CEP57: variants seen among roughly 807,000 people sequenced by gnomAD.
The protein encoded by CEP57 is centrosomal protein of 57 kDa.
In CEP57, 40 loss-of-function variants were observed where a neutral mutation model predicts 68.0. That is an observed-to-expected ratio of 0.59 (90% CI 0.46 to 0.77). The LOEUF (loss-of-function observed/expected upper bound fraction) is 0.77, where lower values mean the gene tolerates loss of function less well. CEP57 is among the 30% of genes least tolerant of loss of function. The probability of loss-of-function intolerance (pLI) is 0.00; values close to 1 mark genes in which losing one functional copy is unlikely to be tolerated. For missense variants in CEP57, 606 were observed against 580.7 expected, an observed-to-expected ratio of 1.04 and a Z score of -0.45; for synonymous variants, 219 against 198.7, an observed-to-expected ratio of 1.10 and a Z score of -0.86.
upstream of CEP57, chr11:95,790,433 CCTA>C: frequency 1.8e-6 from 1 of 568,740 alleles, no homozygotes; most frequent in Admixed American, 3.0e-5. Context: ...CGGATTCTCT[CCTA>C]CTACAGAAAG....
At position 95,821,892 on chromosome 11, in the gene CEP57, A is replaced by T; in HGVS notation, c.721A>T (p.Asn241Tyr). 1 of 1,611,966 alleles carries T rather than the reference A, an allele frequency of 6.2e-7. No homozygotes were observed. Among genetic ancestry groups the T allele is most frequent in the South Asian group, 1.1e-5 (1 of 90,992 alleles). ...CTAGTTGCAGACTGGTCTAGAAACA[A>T]ATAGACTTATCTTTGAAGATAAGGC... ...AAELQTGLET[N>Y]RLIFEDKATP... Residue 241 changes from asparagine to tyrosine, a missense_variant, in exon 7 of 11, where the codon AAT becomes TAT. Transcript: ENST00000325542.
At chr11:95,817,749 T>C in intron 4 of CEP57, 38 bp from the exon 5 acceptor site, 1 of 1,375,368 alleles carries the variant, frequency 7.3e-7, no homozygotes, top group Non-Finnish European at 1.0e-6. Context: ...CTTTTTTGAT[T>C]GTCAAATTAT....
chr11:95,812,796 T>A (rs1450189053), intron 2 of CEP57, 136 bp from the exon 3 acceptor site: 2 of 814,198 alleles, frequency 2.5e-6, no homozygotes, highest in Non-Finnish European at 4.2e-6. Context: ...ATTAACATTT[T>A]ATTGTTCCCA....
At chr11:95,830,836 T>C (rs1254461249) in intron 10 of CEP57, among the ~76,000 whole-genome samples, 190 bp from the exon 11 acceptor site, 2 of 151,574 alleles carry the variant, frequency 1.3e-5, no homozygotes, top group African/African-American at 4.8e-5. Flanking sequence ...TATTTATTTA[T>C]ATTAATATTT....
intron 2 of CEP57, among the ~76,000 whole-genome samples, chr11:95,807,649 C>T (rs553715016): frequency 1.8e-4 from 27 of 151,916 alleles, no homozygotes; most frequent in African/African-American, 5.1e-4. Context: ...TGAAATGAAG[C>T]GAGAAGAGAA....
chr11:95,811,531 T>C (rs1862060916), intron 2 of CEP57, among the ~76,000 whole-genome samples: 1 of 150,484 alleles, frequency 6.6e-6, no homozygotes, highest in African/African-American at 2.5e-5. Context: ...TATACATATG[T>C]AACAAACCTG....
intron 2 of CEP57, among the ~76,000 whole-genome samples, chr11:95,805,465 A>G (rs536407368): frequency 1.3e-5 from 2 of 152,280 alleles, no homozygotes; most frequent in East Asian, 3.9e-4. Flanking sequence ...ACTTCGATAA[A>G]ATGTATTAGT....
chr11:95,813,172 C>G (rs1862144714), intron 3 of CEP57, 61 bp downstream of exon 3: 1 of 1,503,288 alleles, frequency 6.7e-7, no homozygotes, highest in Non-Finnish European at 9.2e-7. Flanking sequence ...ATTAAGTATT[C>G]TAAAAGAAAT....
At chr11:95,811,782 G>A (rs1862073642) in intron 2 of CEP57, among the ~76,000 whole-genome samples, 1 of 152,132 alleles carries the variant, frequency 6.6e-6, no homozygotes, top group Non-Finnish European at 1.5e-5. Context: ...GATGGAAATG[G>A]AAAATAACTA....
intron 1 of CEP57, among the ~76,000 whole-genome samples, chr11:95,796,883 A>G (rs1861371195): frequency 6.6e-6 from 1 of 152,154 alleles, no homozygotes; most frequent in African/African-American, 2.4e-5. Flanking sequence ...CAGTTTTATA[A>G]AGGACACAAC....
intron 1 of CEP57, among the ~76,000 whole-genome samples, chr11:95,798,082 C>A (rs1304077013): frequency 6.6e-6 from 1 of 152,118 alleles, no homozygotes; most frequent in Non-Finnish European, 1.5e-5. Flanking sequence ...AAATACTAGT[C>A]TTTGTTATAT....
At position 95,828,038 on chromosome 11, in the gene CEP57, G is replaced by T. The variant is rs532938378; in HGVS notation, c.1127+11G>T. 36 of 1,272,710 alleles carry T rather than the reference G, an allele frequency of 2.8e-5. No homozygotes were observed. The highest frequency in any genetic ancestry group is 1.4e-4 in the South Asian group (10 of 71,202). The allele number at this position is 1,272,710 out of a possible 1,614,324, so 78.8% of individuals were successfully genotyped here. ...TGGGCAAATGAGCTTGTGAGTTTTT[G>T]TTTTTTTTTTTAAATTCAGTTTAGC... On this transcript the variant is annotated intron_variant, in intron 9 of 10. Coordinates refer to ENST00000325542, the MANE Select transcript of CEP57 (RefSeq NM_014679.5).
intron 2 of CEP57, among the ~76,000 whole-genome samples, chr11:95,801,026 G>T (rs1227182322): frequency 1.3e-5 from 2 of 152,038 alleles, no homozygotes; most frequent in Admixed American, 6.5e-5. Flanking sequence ...TTTTGACATC[G>T]TAGGCTAAAC....
chr11:95,818,899 G>T lies in CEP57; in HGVS notation c.694G>T (p.Ala232Ser). 1 of 1,613,390 alleles carries T rather than the reference G, an allele frequency of 6.2e-7. No individual in the cohort carries two copies. Among genetic ancestry groups the T allele is most frequent in the Non-Finnish European group, 8.5e-7 (1 of 1,179,474 alleles). ...AAGGAAACGCATGCAAGCTAAGGCA[G>T]CTGAGGTAAGTTAAAATGTGAGAAA... ...QERKRMQAKA[A>S]ELQTGLETNR... The change falls in exon 6 of 11, where the codon GCT (alanine) becomes TCT (serine). Residue 232 changes from alanine (A) to serine (S), a missense_variant. Transcript: ENST00000325542.
At chr11:95,818,276 G>A (rs550934188) in intron 5 of CEP57, among the ~76,000 whole-genome samples, 23 of 152,002 alleles carry the variant, frequency 1.5e-4, no homozygotes, top group African/African-American at 5.5e-4. Context: ...GCCGGGCATC[G>A]TGGCGCATGC....
chr11:95,807,076 G>A (rs1351572417), intron 2 of CEP57, among the ~76,000 whole-genome samples: 1 of 152,178 alleles, frequency 6.6e-6, no homozygotes, highest in Admixed American at 6.5e-5. Flanking sequence ...TTGCTTTTCT[G>A]CAGCTTCCGT....
chr11:95,806,206 T>G (rs1271080563), intron 2 of CEP57, among the ~76,000 whole-genome samples: 1 of 152,224 alleles, frequency 6.6e-6, no homozygotes, highest in African/African-American at 2.4e-5. Flanking sequence ...AAGTGCTTTT[T>G]GGAAGTAAGC....
chr11:95,795,499 CTT>C (rs5793747), intron 1 of CEP57: 9 of 375,090 alleles, frequency 2.4e-5, no homozygotes, highest in South Asian at 5.4e-5. Context: ...AGCTGTTATT[CTT>C]TTTTTTTTTC....
At chr11:95,801,611 T>C (rs1861583657) in intron 2 of CEP57, among the ~76,000 whole-genome samples, 1 of 151,954 alleles carries the variant, frequency 6.6e-6, no homozygotes, top group Non-Finnish European at 1.5e-5. Context: ...AACTATAATA[T>C]TGTATCTAGT....
Sources: gnomAD v4.1 joint callset for allele counts (sites outside exome capture counted in the v4.1 genomes callset) on GRCh38, gnomAD v4.1.1 for gene constraint, MANE v1.5 for transcripts, NCBI Gene and HGNC (gene_info 2026-07-23, HGNC 2026-07-21) for gene names.